The following NEMF variants were observed in gnomAD, a reference collection of about 807,000 sequenced individuals.
The protein encoded by NEMF is ribosome quality control complex subunit NEMF.
Under a neutral mutation model 162.2 loss-of-function variants are expected in NEMF, and 89 were observed. The observed-to-expected ratio is 0.55, with a 90% CI of 0.46 to 0.65. The LOEUF (loss-of-function observed/expected upper bound fraction) is 0.65, where lower values mean the gene tolerates loss of function less well. NEMF is among the 30% of genes least tolerant of loss of function. NEMF has a pLI of 0.00. For missense variants in NEMF, 1,133 were observed against 1,261.9 expected (o/e 0.90, Z 1.55); for synonymous variants, 421 against 404.5 (o/e 1.04, Z -0.49).
rs912199190 is a variant in NEMF, at chr14:49,786,729, G to C, written c.2917C>G (p.Gln973Glu). Residue 973 changes from glutamine (Q) to glutamate (E), a missense_variant, in exon 29 of 33, where the codon CAG becomes GAG. Coordinates refer to ENST00000298310, the MANE Select transcript of NEMF (RefSeq NM_004713.6). ...DDKEEQDLDQ[Q>E]GNEENLFDSL... ...ACATAAAATCATACCTCATTTCCCT[G>C]TTGATCCAGATCTTGCTCTTCCTGT... The C allele has an allele frequency of 4.3e-6, 7 of 1,613,018 alleles. No individual in the cohort carries two copies. The highest frequency in any genetic ancestry group is 3.3e-5 in the Admixed American group (2 of 59,974).
Position 49,806,141 on chromosome 14 carries a change from A to G in NEMF, c.1745-8T>C. On this transcript the variant is annotated splice_region_variant and splice_polypyrimidine_tract_variant and intron_variant, in intron 18 of 32. Coordinates refer to ENST00000298310, the MANE Select transcript of NEMF (RefSeq NM_004713.6). ...GTGGGGGGATGGGTTCTCCTAGAAT[A>G]ACAATGCATAATGTTTCAATACCAA... is the stretch of plus-strand genomic sequence containing the variant. The G allele has an allele frequency of 6.3e-7, 1 of 1,598,578 alleles. No individual in the cohort carries two copies. Among genetic ancestry groups the G allele is most frequent in the Non-Finnish European group, 8.5e-7 (1 of 1,170,160 alleles).
At position 49,831,356 on chromosome 14, in the gene NEMF, C is replaced by T. The variant is rs759281711; in HGVS notation, c.888G>A (p.Val296=). The T allele has an allele frequency of 1.9e-6, 3 of 1,596,386 alleles. No individual in the cohort carries two copies. The highest frequency in any genetic ancestry group is 3.3e-5 in the Admixed American group (2 of 59,790). Residue 296 remains valine (V), a synonymous_variant, in exon 11 of 33, where the codon GTG becomes GTA. Coordinates refer to ENST00000298310, the MANE Select transcript of NEMF (RefSeq NM_004713.6). ...CTTCTATCTTGGAATAAAATTCATC[C>T]ACCGCCTTATTAAAAAAACAAACAA... is the stretch of plus-strand genomic sequence containing the variant. The part of the protein sequence containing the change: ...YIEFESFDKA[V]DEFYSKIEGQ...
At chr14:49,843,771 T>C (rs1429288414) in intron 4 of NEMF, among the ~76,000 whole-genome samples, 4 of 152,138 alleles carry the variant, frequency 2.6e-5, no homozygotes, top group Non-Finnish European at 4.4e-5. Context: ...TACATCTAAA[T>C]ATAGAAAAAG....
intron 26 of NEMF, among the ~76,000 whole-genome samples, chr14:49,793,054 A>G (rs1225806298): frequency 1.3e-5 from 2 of 152,226 alleles, no homozygotes; most frequent in African/African-American, 4.8e-5. Context: ...GTTATTAAAA[A>G]TAACTTTCAA....
intron 5 of NEMF, 24 bp downstream of exon 5, chr14:49,840,694 G>T: frequency 6.3e-7 from 1 of 1,597,996 alleles, no homozygotes; most frequent in South Asian, 1.1e-5. Flanking sequence ...AATACGAAAT[G>T]GGTTTAAAAA....
intron 16 of NEMF, among the ~76,000 whole-genome samples, chr14:49,823,775 A>C (rs1387546217): frequency 6.6e-6 from 1 of 152,210 alleles, no homozygotes; most frequent in Non-Finnish European, 1.5e-5. Flanking sequence ...AAACATCACC[A>C]CCAACCCCAA....
intron 6 of NEMF, among the ~76,000 whole-genome samples, chr14:49,835,154 C>G (rs1374855326): frequency 1.3e-5 from 2 of 150,158 alleles, no homozygotes. Flanking sequence ...GAGCCAAGAT[C>G]GTGCCATTGC....
At chr14:49,812,227 T>C (rs996146804) in intron 18 of NEMF, among the ~76,000 whole-genome samples, 3 of 152,200 alleles carry the variant, frequency 2.0e-5, no homozygotes, top group Admixed American at 2.0e-4. Flanking sequence ...TATTCCCTTA[T>C]AATCCTTTCA....
At chr14:49,827,639 C>T (rs1892424017) in intron 15 of NEMF, among the ~76,000 whole-genome samples, 2 of 152,038 alleles carry the variant, frequency 1.3e-5, no homozygotes, top group African/African-American at 2.4e-5. Flanking sequence ...ATGGTGAAAC[C>T]CTGTCTCTAC....
In NEMF at chr14:49,783,188, A is replaced by G. The variant is rs1333326974; in HGVS notation, c.*1448T>C. On this transcript the variant is annotated 3_prime_UTR_variant, in exon 33 of 33. Transcript: ENST00000298310. ...GTAATGGTTGGGCTTTTTACCCTGA[A>G]GAATGGTTGCTACATTTTCTTTTCA... is the stretch of plus-strand genomic sequence containing the variant. The G allele has an allele frequency of 9.1e-6, 3 of 331,102 alleles. No homozygotes were observed. The highest frequency in any genetic ancestry group is 1.6e-5 in the Non-Finnish European group (3 of 184,048). The allele number at this position is 331,102 out of a possible 1,614,324, so 20.5% of individuals were successfully genotyped here.
intron 18 of NEMF, among the ~76,000 whole-genome samples, chr14:49,812,251 C>T (rs553048106): frequency 6.6e-5 from 10 of 152,080 alleles, no homozygotes; most frequent in South Asian, 2.1e-4. Context: ...TCTGTAAAGT[C>T]GGAAGTAATG....
intron 5 of NEMF, among the ~76,000 whole-genome samples, chr14:49,838,421 A>G (rs574187955): frequency 4.5e-4 from 69 of 152,298 alleles, no homozygotes; most frequent in African/African-American, 1.6e-3. Flanking sequence ...AAGATAAACC[A>G]GTATTTTTTC....
At chr14:49,816,951 G>C (rs578089609) in intron 16 of NEMF, among the ~76,000 whole-genome samples, 16 of 152,210 alleles carry the variant, frequency 1.1e-4, no homozygotes, top group African/African-American at 3.9e-4. Context: ...GACAAAAGAG[G>C]ACACAGAACA....
intron 3 of NEMF, chr14:49,849,521 T>C (rs1893671350): frequency 6.6e-6 from 1 of 152,246 alleles, no homozygotes; most frequent in Non-Finnish European, 1.5e-5. Flanking sequence ...CTCTTTGATT[T>C]ATAAAGTGCT....
Position 49,825,855 on chromosome 14 carries a change from C to A in NEMF, c.1577+12G>T, listed in dbSNP as rs374795299. 40 of 1,506,080 alleles carry A rather than the reference C, an allele frequency of 2.7e-5. No homozygotes were observed. Among genetic ancestry groups the A allele is most frequent in the African/African-American group, 6.9e-5 (5 of 72,084 alleles). The allele number at this position is 1,506,080 out of a possible 1,614,324, so 93.3% of individuals were successfully genotyped here. On this transcript the variant is annotated intron_variant, in intron 16 of 32. Coordinates refer to ENST00000298310, the MANE Select transcript of NEMF (RefSeq NM_004713.6). ...AAACAAAAACTGTATTTGAAAGAGA[C>A]AGAACACTTACCAATATACTTTTCT...
intron 4 of NEMF, chr14:49,845,925 A>G (rs1369148325): frequency 1.8e-6 from 1 of 554,142 alleles, no homozygotes; most frequent in African/African-American, 1.9e-5. Context: ...TCATAAGGCT[A>G]TTCTAAATGG....
chr14:49,845,809 T>C (rs1303937819), intron 4 of NEMF, among the ~76,000 whole-genome samples: 4 of 152,220 alleles, frequency 2.6e-5, no homozygotes, highest in Admixed American at 6.5e-5. Context: ...TCACTATACA[T>C]ACAGCGCATC....
At position 49,782,624 on chromosome 14, in the gene NEMF, T is replaced by C. The variant is rs369566062; in HGVS notation, c.*2012A>G. 6.4e-7 allele frequency: 1 copy of C among 1,554,280 alleles called. No individual in the cohort carries two copies. Among genetic ancestry groups the C allele is most frequent in the Non-Finnish European group, 8.8e-7 (1 of 1,139,938 alleles). ...GTAACTTTGTACTTGGCACTTAGATTATTTAAAATTGTGTTTCCTAAGACT... is the reference window on the plus strand; with the variant it reads ...GTAACTTTGTACTTGGCACTTAGATCATTTAAAATTGTGTTTCCTAAGACT... On this transcript the variant is annotated 3_prime_UTR_variant, in exon 33 of 33. Coordinates refer to ENST00000298310, the MANE Select transcript of NEMF (RefSeq NM_004713.6).
At chr14:49,816,393 T>C (rs1272194751) in intron 16 of NEMF, among the ~76,000 whole-genome samples, 1 of 152,226 alleles carries the variant, frequency 6.6e-6, no homozygotes, top group African/African-American at 2.4e-5. Context: ...TTGTCCTGTT[T>C]CCTCAGAAGC....
Sources: gnomAD v4.1 joint callset for allele counts (sites outside exome capture counted in the v4.1 genomes callset) on GRCh38, gnomAD v4.1.1 for gene constraint, MANE v1.5 for transcripts, NCBI Gene and HGNC (gene_info 2026-07-23, HGNC 2026-07-21) for gene names.